The following ILRUN variants were observed in gnomAD, a reference collection of about 807,000 sequenced individuals.
ILRUN encodes the protein inflammation and lipid regulator with UBA-like and NBR1-like domains.
A neutral mutation model predicts 33.8 loss-of-function variants in ILRUN; 3 were observed. The observed-to-expected ratio is 0.09, with a 90% CI of 0.04 to 0.23. The LOEUF (loss-of-function observed/expected upper bound fraction) is 0.23. Among genes scored for constraint, ILRUN ranks in the 10% least tolerant of loss-of-function variants. ILRUN has a pLI of 1.00. For missense variants in ILRUN, 210 were observed against 375.1 expected (o/e 0.56, Z 3.64); for synonymous variants, 124 against 138.9 (o/e 0.89, Z 0.75).
chr6:34,603,589 G>C (rs1283963058), intron 4 of ILRUN, among the ~76,000 whole-genome samples: 1 of 152,074 alleles, frequency 6.6e-6, no homozygotes, highest in Non-Finnish European at 1.5e-5. Context: ...AGCTGTGATT[G>C]TGCCACTGCA....
At position 34,646,477 on chromosome 6, in the gene ILRUN, A is replaced by T; in HGVS notation, c.511+124T>A. The T allele has an allele frequency of 1.3e-6, 1 of 774,526 alleles. No individual in the cohort carries two copies. Among genetic ancestry groups the T allele is most frequent in the Non-Finnish European group, 2.1e-6 (1 of 479,742 alleles). The allele number at this position is 774,526 out of a possible 1,614,324, so 48.0% of individuals were successfully genotyped here. A position where few individuals can be genotyped will look rare whatever the true frequency, so the allele number is the denominator to read the frequency against. On this transcript the variant is annotated intron_variant, in intron 3 of 4. Transcript: ENST00000374023. This position sits in a 1 kb window ranked among gnomAD's most constrained non-coding sequence, Gnocchi z 4.9. ...AAAATGCAAATCATTTACCTGCATG[A>T]GGTGACTGTTAAAAAGAGGCCATGC...
At chr6:34,671,315 G>C (rs1763113176) in intron 1 of ILRUN, among the ~76,000 whole-genome samples, 2 of 152,218 alleles carry the variant, frequency 1.3e-5, no homozygotes, top group Non-Finnish European at 2.9e-5. Flanking sequence ...GAGTCTGGGA[G>C]GTTGAGGTTG....
chr6:34,633,880 AGAGGGAGGGAGGGAGGGAGG>A (rs750015797), intron 3 of ILRUN, among the ~76,000 whole-genome samples: 9 of 64,860 alleles, frequency 1.4e-4, no homozygotes, highest in African/African-American at 2.8e-4. Context: ...ATGGAGGGAG[AGAGGGAGGGAGGGAGGGAGG>A]GAGGGAGGGA....
chr6:34,597,724 T>C (rs570874609), intron 4 of ILRUN, among the ~76,000 whole-genome samples: 2 of 152,274 alleles, frequency 1.3e-5, no homozygotes, highest in African/African-American at 2.4e-5. Context: ...ACTCTCTCCT[T>C]TCATATTAAA....
intron 4 of ILRUN, among the ~76,000 whole-genome samples, chr6:34,591,306 C>T (rs1761287611): frequency 6.6e-6 from 1 of 152,072 alleles, no homozygotes; most frequent in African/African-American, 2.4e-5. Context: ...GCCTGGACAA[C>T]ATAGTCAGAA....
intron 4 of ILRUN, among the ~76,000 whole-genome samples, chr6:34,599,105 A>G (rs1761458299): frequency 6.6e-6 from 1 of 152,158 alleles, no homozygotes; most frequent in African/African-American, 2.4e-5. Context: ...CTTGCCAGCA[A>G]CCTCACTGTA....
intron 1 of ILRUN, among the ~76,000 whole-genome samples, chr6:34,678,219 T>C (rs1338643254): frequency 6.6e-6 from 1 of 152,086 alleles, no homozygotes; most frequent in East Asian, 1.9e-4. Context: ...TTTGTATTTT[T>C]TAGTAGAGAC....
chr6:34,679,768 T>C (rs575843482), intron 1 of ILRUN, among the ~76,000 whole-genome samples: 1 of 152,304 alleles, frequency 6.6e-6, no homozygotes, highest in South Asian at 2.1e-4. Flanking sequence ...AGGGTGGGCC[T>C]TAAATCCAAC....
chr6:34,630,599 G>A (rs1762226346), intron 3 of ILRUN, among the ~76,000 whole-genome samples: 1 of 152,148 alleles, frequency 6.6e-6, no homozygotes, highest in South Asian at 2.1e-4. Context: ...GGCCAGGATG[G>A]CTTCGATCTC....
At chr6:34,596,847 G>T (rs959773924) in intron 4 of ILRUN, among the ~76,000 whole-genome samples, 2 of 152,130 alleles carry the variant, frequency 1.3e-5, no homozygotes, top group African/African-American at 2.4e-5. Flanking sequence ...ACAACTTGTT[G>T]TATCTGCCTC....
chr6:34,621,855 C>T (rs2744965), intron 3 of ILRUN, among the ~76,000 whole-genome samples: 23,161 of 135,256 alleles, frequency 0.17, 1,897 homozygotes, highest in African/African-American at 0.24. Flanking sequence ...GAGCAAGACT[C>T]CAGCTCAAAA....
At chr6:34,605,709 AATAAAC>A (rs1294138096) in intron 4 of ILRUN, among the ~76,000 whole-genome samples, 1 of 152,240 alleles carries the variant, frequency 6.6e-6, no homozygotes, top group Non-Finnish European at 1.5e-5. Context: ...TTGCCCCTCA[AATAAAC>A]ATAAACTTTA....
intron 3 of ILRUN, among the ~76,000 whole-genome samples, chr6:34,607,574 T>C (rs1023167644): frequency 2.0e-5 from 3 of 152,232 alleles, no homozygotes; most frequent in Non-Finnish European, 4.4e-5. Flanking sequence ...AGTCATGCAT[T>C]GCTTAATGAA....
chr6:34,592,577 ATTTTTATTTTTAT>A lies in ILRUN; in HGVS notation c.862-1990_862-1978del, dbSNP rs555346922. On this transcript the variant is annotated intron_variant, in intron 4 of 4. Coordinates refer to ENST00000374023, the MANE Select transcript of ILRUN (RefSeq NM_024294.4). This position sits in a 1 kb window ranked among gnomAD's most constrained non-coding sequence, Gnocchi z 4.0. ...AAAAGTAATTGCAGTTTTTGCCATT[ATTTTTATTTTTAT>A]TTTTTATTTTTATTTTTTTCAAGAC... Among the ~76,000 whole-genome samples, 51 of 152,260 alleles carry A rather than the reference ATTTTTATTTTTAT, an allele frequency of 3.3e-4. No individual in the cohort carries two copies. The highest frequency in any genetic ancestry group is 4.7e-4 in the Non-Finnish European group (32 of 68,012).
At chr6:34,598,314 A>T (rs896292495) in intron 4 of ILRUN, among the ~76,000 whole-genome samples, 5 of 152,240 alleles carry the variant, frequency 3.3e-5, no homozygotes, top group Admixed American at 6.5e-5. Context: ...CTGAGATACA[A>T]CAGTTCTTAA....
At chr6:34,624,588 C>T (rs1419452080) in intron 3 of ILRUN, among the ~76,000 whole-genome samples, 1 of 152,078 alleles carries the variant, frequency 6.6e-6, no homozygotes, top group African/African-American at 2.4e-5. Flanking sequence ...CCTGCCTGGG[C>T]CTCCCAAAGT....
At chr6:34,688,438 C>T (rs1438290337) in intron 1 of ILRUN, among the ~76,000 whole-genome samples, 1 of 149,056 alleles carries the variant, frequency 6.7e-6, no homozygotes, top group African/African-American at 2.5e-5. Flanking sequence ...CTGATACATA[C>T]TACAACATGG....
intron 1 of ILRUN, among the ~76,000 whole-genome samples, chr6:34,676,998 T>TAAAAAA (rs3044899): frequency 7.6e-6 from 1 of 131,230 alleles, no homozygotes; most frequent in Non-Finnish European, 1.7e-5. Context: ...ATGTCACAAT[T>TAAAAAA]AAAAAAAAAA....
chr6:34,654,500 C>T, intron 2 of ILRUN, 125 bp downstream of exon 2: 1 of 925,216 alleles, frequency 1.1e-6, no homozygotes, highest in Non-Finnish European at 1.6e-6. Context: ...GAAAATACTA[C>T]ATATCATGTG....
Sources: gnomAD v4.1 joint callset for allele counts (sites outside exome capture counted in the v4.1 genomes callset) on GRCh38, gnomAD v4.1.1 for gene constraint, Gnocchi (gnomAD v3.1) non-coding constraint, MANE v1.5 for transcripts, NCBI Gene and HGNC (gene_info 2026-07-23, HGNC 2026-07-21) for gene names.